The following BZW1 variants were observed in gnomAD, a reference collection of about 807,000 sequenced individuals.
The protein encoded by BZW1 is basic leucine zipper and W2 domains 1.
In BZW1, 3 loss-of-function variants were observed where a neutral mutation model predicts 54.1. That is an observed-to-expected ratio of 0.06 (90% CI 0.03 to 0.14). The LOEUF (loss-of-function observed/expected upper bound fraction) is 0.14. Ranked by LOEUF, BZW1 falls within the 10% of genes least tolerant of loss-of-function variation. The pLI, the probability that BZW1 is intolerant of heterozygous loss-of-function variation, is 1.00. For missense variants in BZW1, 206 were observed against 491.7 expected, an observed-to-expected ratio of 0.42 and a Z score of 5.50; for synonymous variants, 152 against 162.7, an observed-to-expected ratio of 0.93 and a Z score of 0.50.
rs952600858 is a variant in BZW1 at position 200,817,311 on chromosome 2, A to G, written c.538+70A>G. The G allele has an allele frequency of 1.6e-5, 25 of 1,536,522 alleles. No homozygotes were observed. The African/African-American group carries it at 2.5e-4, about 15-fold the overall frequency. On this transcript the variant is annotated intron_variant, in intron 6 of 11. Coordinates refer to ENST00000409600, the MANE Select transcript of BZW1 (RefSeq NM_001207067.2). ...TGGATAAGAGCATGGTTTACTGTTC[A>G]TAGATGTGACTTCTGTGAAAGTCTT...
intron 2 of BZW1, 178 bp downstream of exon 2, chr2:200,813,459 C>A: frequency 1.8e-6 from 1 of 560,020 alleles, no homozygotes; most frequent in Non-Finnish European, 3.1e-6. Flanking sequence ...TGCTTTACTG[C>A]TCAAGCCTTA....
intron 2 of BZW1, among the ~76,000 whole-genome samples, chr2:200,814,970 T>C (rs2038233008): frequency 6.6e-6 from 1 of 152,238 alleles, no homozygotes; most frequent in Admixed American, 6.5e-5. Flanking sequence ...TTTAATATTA[T>C]GGACATTTAA....
chr2:200,826,974 T>C lies in BZW1; in HGVS notation c.*4796T>C, dbSNP rs2038718763. On this transcript the variant is annotated 3_prime_UTR_variant, in exon 12 of 12. Transcript: ENST00000409600. ...TTTTAATCTGAAATCCTGAAGGCTA[T>C]GCTTAAAAGTTAGAGATAAACCTGT... The C allele has an allele frequency of 2.6e-5, 4 of 152,030 alleles. No individual in the cohort carries two copies. 9.4% of individuals were successfully genotyped at this position (152,030 alleles called of 1,614,324 possible).
In BZW1 at chr2:200,824,003, T is replaced by G. The variant is rs1446205781; in HGVS notation, c.*1825T>G. ...GAATTCTGGTGTAGCTAAAACTACA[T>G]TAATATTTCTACAACCAATTCATTG... On this transcript the variant is annotated 3_prime_UTR_variant, in exon 12 of 12. Coordinates refer to ENST00000409600, the MANE Select transcript of BZW1 (RefSeq NM_001207067.2). 1 of 152,192 alleles carries G rather than the reference T, an allele frequency of 6.6e-6. No homozygotes were observed. Among genetic ancestry groups the G allele is most frequent in the African/African-American group, 2.4e-5 (1 of 41,446 alleles). 9.4% of individuals were successfully genotyped at this position (152,192 alleles called of 1,614,324 possible).
rs1403966562 is a variant in BZW1, at chr2:200,823,693, G to C, written c.*1515G>C. ...TGATTGTTGTGAATGGGGTGAATTT[G>C]TTAAAATGAGTAACTTTGATAAAGT... On this transcript the variant is annotated 3_prime_UTR_variant, in exon 12 of 12. Coordinates refer to ENST00000409600, the MANE Select transcript of BZW1 (RefSeq NM_001207067.2). 2 of 152,294 alleles carry C rather than the reference G, an allele frequency of 1.3e-5. No homozygotes were observed. Among genetic ancestry groups the C allele is most frequent in the Non-Finnish European group, 2.9e-5 (2 of 67,922 alleles). 9.4% of individuals were successfully genotyped at this position (152,294 alleles called of 1,614,324 possible). A position where few individuals can be genotyped will look rare whatever the true frequency, so the allele number is the denominator to read the frequency against.
chr2:200,820,101 A>G lies in BZW1; in HGVS notation c.1086A>G (p.Ile362Met), dbSNP rs2038453029. 1 of 1,548,192 alleles carries G rather than the reference A, an allele frequency of 6.5e-7. No individual in the cohort carries two copies. The highest frequency in any genetic ancestry group is 2.3e-5 in the East Asian group (1 of 42,562). ...ATTTCATGAAAGCCTTCCAGAAAAT[A>G]GTGGTGCTTTTTTATAAAGGTAATT... Reference protein sequence around the residue: ...NIHFMKAFQKIVVLFYKAEVL... With the variant: ...NIHFMKAFQKMVVLFYKAEVL... Residue 362 changes from isoleucine to methionine, a missense_variant, in exon 10 of 12, where the codon ATA becomes ATG. This residue lies in a region of BZW1 where 60 missense variants were observed against 151.8 expected (regional missense o/e 0.40). Transcript: ENST00000409600.
chr2:200,820,127 T>C lies in BZW1; in HGVS notation c.1105+7T>C. ...GTGGTGCTTTTTTATAAAGGTAATTTAGATTTTGAATTTTGTAAATAACAC... is the reference window on the plus strand; with the variant it reads ...GTGGTGCTTTTTTATAAAGGTAATTCAGATTTTGAATTTTGTAAATAACAC... On this transcript the variant is annotated splice_region_variant and intron_variant, in intron 10 of 11. Coordinates refer to ENST00000409600, the MANE Select transcript of BZW1 (RefSeq NM_001207067.2). The C allele has an allele frequency of 1.3e-6, 2 of 1,526,344 alleles. No individual in the cohort carries two copies. The highest frequency in any genetic ancestry group is 1.8e-6 in the Non-Finnish European group (2 of 1,136,740). 94.6% of individuals were successfully genotyped at this position (1,526,344 alleles called of 1,614,324 possible).
intron 9 of BZW1, 153 bp downstream of exon 9, chr2:200,819,054 A>T: frequency 1.1e-6 from 1 of 891,186 alleles, no homozygotes; most frequent in Non-Finnish European, 1.6e-6. Flanking sequence ...TTAGCTATTG[A>T]TGATAATGCT....
chr2:200,812,498 G>A (rs2038110837), intron 1 of BZW1: 1 of 1,383,088 alleles, frequency 7.2e-7, no homozygotes, highest in Non-Finnish European at 9.4e-7. Context: ...GACAGGGTCA[G>A]TGGAGAAAGA....
At chr2:200,812,961 A>G (rs574563313) in intron 1 of BZW1, 10 of 679,366 alleles carry the variant, frequency 1.5e-5, no homozygotes, top group East Asian at 2.9e-5. Flanking sequence ...TAGCACTACA[A>G]TGTCGCTTAA....
intron 6 of BZW1, 59 bp downstream of exon 6, chr2:200,817,300 G>GT: frequency 3.2e-6 from 5 of 1,575,366 alleles, no homozygotes; most frequent in Middle Eastern, 3.4e-4. Context: ...TAAGAGCATG[G>GT]TTTACTGTTC....
intron 3 of BZW1, 23 bp from the exon 4 acceptor site, chr2:200,815,644 A>G: frequency 6.3e-7 from 1 of 1,585,070 alleles, no homozygotes; most frequent in Non-Finnish European, 8.6e-7. Context: ...GTTTTGTTGT[A>G]TTTTGGTTTT....
intron 1 of BZW1, chr2:200,812,385 T>G: frequency 7.8e-7 from 1 of 1,286,006 alleles, no homozygotes. Flanking sequence ...CCTCCGCCGC[T>G]GCTTTCGCTG....
At chr2:200,812,474 C>T in intron 1 of BZW1, 4 of 1,334,274 alleles carry the variant, frequency 3.0e-6, no homozygotes, top group South Asian at 2.0e-5. Context: ...GTTGCGGCGG[C>T]CGCCACCGCA....
chr2:200,818,923 A>C (rs766917456), intron 9 of BZW1, 22 bp downstream of exon 9: 101 of 1,534,626 alleles, frequency 6.6e-5, no homozygotes, highest in Non-Finnish European at 8.4e-5. Flanking sequence ...ATGCCTTGAC[A>C]AAACAAACTA....
intron 2 of BZW1, 140 bp from the exon 3 acceptor site, chr2:200,815,201 T>TA: frequency 1.2e-5 from 11 of 902,830 alleles, no homozygotes; most frequent in Non-Finnish European, 1.6e-5. Context: ...CATCTTGTCT[T>TA]ACACTTGCAG....
chr2:200,823,933 C>T lies in BZW1; in HGVS notation c.*1755C>T, dbSNP rs376630609. The T allele has an allele frequency of 1.1e-4, 16 of 152,022 alleles. No individual in the cohort carries two copies. Among genetic ancestry groups the T allele is most frequent in the African/African-American group, 3.9e-4 (16 of 41,424 alleles). The allele number at this position is 152,022 out of a possible 1,614,324, so 9.4% of individuals were successfully genotyped here. ...CAGATGTCTTTACTGTATCTGTATA[C>T]CATTAAGTAATAATTAGACTCCCAA... On this transcript the variant is annotated 3_prime_UTR_variant, in exon 12 of 12. Coordinates refer to ENST00000409600, the MANE Select transcript of BZW1 (RefSeq NM_001207067.2).
rs1310503098 is a variant in BZW1 at position 200,826,395 on chromosome 2, AGATAGATAGATATTTTTTTTTTTTTT to A, written c.*4218_*4243del. On this transcript the variant is annotated 3_prime_UTR_variant, in exon 12 of 12. Coordinates refer to ENST00000409600, the MANE Select transcript of BZW1 (RefSeq NM_001207067.2). ...GATATAGATAGATAGATAGATAGAT[AGATAGATAGATATTTTTTTTTTTTTT>A]TTTTTTTTTTTTTTTTTTTTTGAGA... The A allele has an allele frequency of 4.9e-4, 42 of 85,400 alleles. No homozygotes were observed. The highest frequency in any genetic ancestry group is 8.6e-4 in the Non-Finnish European group (34 of 39,454). 5.3% of individuals were successfully genotyped at this position (85,400 alleles called of 1,614,324 possible).
At chr2:200,812,396 G>C (rs1278451855) in intron 1 of BZW1, 27 of 1,281,134 alleles carry the variant, frequency 2.1e-5, no homozygotes, top group Non-Finnish European at 2.6e-5. Flanking sequence ...GCTTTCGCTG[G>C]AGGGCGGGCG....
Sources: gnomAD v4.1 joint callset for allele counts (sites outside exome capture counted in the v4.1 genomes callset) on GRCh38, gnomAD v4.1.1 for gene constraint, gnomAD v4.1.1 regional missense constraint, MANE v1.5 for transcripts, NCBI Gene and HGNC (gene_info 2026-07-23, HGNC 2026-07-21) for gene names.